Variants in ZP3 observed in about 807,000 individuals in gnomAD.
ZP3 encodes zona pellucida glycoprotein 3.
Under a neutral mutation model 35.6 loss-of-function variants are expected in ZP3, and 21 were observed. The observed-to-expected ratio is 0.59, with a 90% CI of 0.42 to 0.85. The LOEUF is 0.85. Ranked by LOEUF, ZP3 falls within the 40% of genes least tolerant of loss-of-function variation. The probability of loss-of-function intolerance (pLI) is 0.00; values close to 1 mark genes in which losing one functional copy is unlikely to be tolerated. For missense variants in ZP3, 437 were observed against 536.5 expected (o/e 0.81, Z 1.83); for synonymous variants, 207 against 214.5 (o/e 0.96, Z 0.31).
At chr7:76,423,023 GAGAGAAAGAAAGAA>G (rs1202193049), upstream of ZP3, among the ~76,000 whole-genome samples, 2,021 of 98,698 alleles carry the variant, frequency 0.02, 41 homozygotes, top group East Asian at 0.061. Flanking sequence ...GAGAGAGAGA[GAGAGAAAGAAAGAA>G]AGAAAGAAAG....
chr7:76,413,816 G>A (rs1432167743), intron 1 of ZP3, among the ~76,000 whole-genome samples: 4 of 151,884 alleles, frequency 2.6e-5, no homozygotes, highest in Admixed American at 6.6e-5. Flanking sequence ...ACAGGCGTGC[G>A]CCACCATGCC....
chr7:76,423,067 G>GAAAGAAAC (rs1554624528), upstream of ZP3, among the ~76,000 whole-genome samples: 1,532 of 143,466 alleles, frequency 0.011, 69 homozygotes, highest in African/African-American at 0.04. Context: ...AAGAAAGAAA[G>GAAAGAAAC]AAAGAAAGAA....
chr7:76,441,378 T>A (rs1806194661), intron 7 of ZP3, among the ~76,000 whole-genome samples: 1 of 150,814 alleles, frequency 6.6e-6, no homozygotes, highest in East Asian at 1.9e-4. Flanking sequence ...AAGCTGTCTT[T>A]TTCTTTTTTC....
chr7:76,399,696 T>G (rs1804753079), intron 1 of ZP3, among the ~76,000 whole-genome samples: 1 of 151,936 alleles, frequency 6.6e-6, no homozygotes, highest in African/African-American at 2.4e-5. Context: ...CTTGCTAATT[T>G]TTCTGATTTT....
chr7:76,424,190 C>T (rs75744748), upstream of ZP3, among the ~76,000 whole-genome samples: 4,219 of 152,250 alleles, frequency 0.028, 169 homozygotes, highest in African/African-American at 0.097. Flanking sequence ...TGGGACAGCT[C>T]CCTTGCCGGG....
At chr7:76,437,201 A>G (rs1445599920) in intron 5 of ZP3, among the ~76,000 whole-genome samples, 1 of 112,372 alleles carries the variant, frequency 8.9e-6, no homozygotes, top group African/African-American at 3.6e-5. Flanking sequence ...TTTTGGACAG[A>G]GTCTCGCTCT....
At chr7:76,427,177 A>C (rs1289146377) in intron 1 of ZP3, among the ~76,000 whole-genome samples, 1 of 152,096 alleles carries the variant, frequency 6.6e-6, no homozygotes, top group East Asian at 1.9e-4. Context: ...AAAGCCTGCA[A>C]ACTCCTTCCT....
chr7:76,437,243 T>C (rs1349726150), intron 5 of ZP3, among the ~76,000 whole-genome samples: 1 of 145,340 alleles, frequency 6.9e-6, no homozygotes, highest in African/African-American at 2.5e-5. Context: ...TGGCATGATC[T>C]CGGTTCACTG....
upstream of ZP3, among the ~76,000 whole-genome samples, chr7:76,421,677 A>G (rs1300271406): frequency 6.7e-6 from 1 of 149,778 alleles, no homozygotes; most frequent in Non-Finnish European, 1.5e-5. Context: ...TCACTGCAAC[A>G]TCTGCTTCCC....
At chr7:76,410,232 T>C (rs545285088) in intron 1 of ZP3, among the ~76,000 whole-genome samples, 3 of 152,204 alleles carry the variant, frequency 2.0e-5, no homozygotes, top group Admixed American at 6.5e-5. Context: ...GGTTTCTCCA[T>C]GTTGGCCAGG....
chr7:76,433,126 T>TGGTTTTGGTTGGTTTTGGTG (rs149568391), intron 3 of ZP3, 96 bp downstream of exon 3: 17 of 615,116 alleles, frequency 2.8e-5, no homozygotes, highest in Non-Finnish European at 4.8e-5. Context: ...TGTTTGGTTT[T>TGGTTTTGGTTGGTTTTGGTG]GGTTTTGGTT....
At chr7:76,439,745 A>G (rs1311871263) in intron 5 of ZP3, among the ~76,000 whole-genome samples, 1 of 152,174 alleles carries the variant, frequency 6.6e-6, no homozygotes, top group Non-Finnish European at 1.5e-5. Flanking sequence ...AAGTTTGGAA[A>G]AGATCAGGGG....
Position 76,417,980 on chromosome 7 carries a change from C to A in ZP3, c.-66-7072C>A, listed in dbSNP as rs56984348. 4.2e-3 allele frequency among the ~76,000 whole-genome samples: 626 copies of A among 150,510 alleles called. 3 individuals are homozygous for A. Among genetic ancestry groups the A allele is most frequent in the African/African-American group, 0.013 (550 of 40,784 alleles). ...TGAGACACAATCTCACTCTGTTGCC[C>A]AGGCTGGAGTACAATGACACAATCT... On this transcript the variant is annotated intron_variant, in intron 1 of 8. Coordinates refer to the ZP3 transcript ENST00000336517.
In ZP3 at chr7:76,440,493, C is replaced by T; in HGVS notation, c.942C>T (p.Gly314=). Residue 314 remains glycine, a synonymous_variant, in exon 7 of 8, where the codon GGC becomes GGT. Transcript: ENST00000394857. Reference sequence around the variant, plus strand: ...ATCTCAGCTGGTTCCCAGTGGAAGGCTCGGCTGACATCTGTCAATGCTGTA... The same window carrying T: ...ATCTCAGCTGGTTCCCAGTGGAAGGTTCGGCTGACATCTGTCAATGCTGTA... The part of the protein sequence containing the change: ...KPSNSWFPVE[G]SADICQCCNK... The T allele has an allele frequency of 6.2e-7, 1 of 1,613,810 alleles. No individual in the cohort carries two copies. The highest frequency in any genetic ancestry group is 8.5e-7 in the Non-Finnish European group (1 of 1,179,966).
intron 1 of ZP3, chr7:76,397,835 G>T (rs762179613): frequency 6.4e-7 from 1 of 1,556,552 alleles, no homozygotes; most frequent in Admixed American, 1.9e-5. Flanking sequence ...GCCCTCACCT[G>T]GGGATGGGGG....
intron 5 of ZP3, among the ~76,000 whole-genome samples, chr7:76,439,271 C>T (rs1417031767): frequency 1.3e-5 from 2 of 152,108 alleles, no homozygotes; most frequent in African/African-American, 2.4e-5. Context: ...ACAGTGACTA[C>T]ATCCCTGAAG....
At chr7:76,401,614 G>A (rs1031318006) in intron 1 of ZP3, among the ~76,000 whole-genome samples, 1 of 151,978 alleles carries the variant, frequency 6.6e-6, no homozygotes, top group Non-Finnish European at 1.5e-5. Context: ...ATGGGGTTTC[G>A]CCATGTTGGC....
intron 1 of ZP3, among the ~76,000 whole-genome samples, chr7:76,428,091 T>C (rs991235285): frequency 3.3e-5 from 5 of 150,372 alleles, no homozygotes; most frequent in African/African-American, 1.2e-4. Context: ...TTTGGGAGGC[T>C]GAGGCAGGTG....
chr7:76,413,569 C>A (rs574693564), intron 1 of ZP3, among the ~76,000 whole-genome samples: 1 of 150,530 alleles, frequency 6.6e-6, no homozygotes, highest in South Asian at 2.1e-4. Flanking sequence ...GCCCAGCCAC[C>A]ACTTCCTGTG....
Sources: allele counts gnomAD v4.1 joint callset (sites outside exome capture counted in the v4.1 genomes callset), GRCh38; gene constraint gnomAD v4.1.1; transcripts MANE v1.5; gene names NCBI Gene and HGNC (gene_info 2026-07-23, HGNC 2026-07-21).